Variants in CNIH3 observed in about 807,000 individuals in gnomAD.
CNIH3 encodes the protein cornichon family AMPA receptor auxiliary protein 3, also known as protein cornichon homolog 3.
Under a neutral mutation model 24.1 loss-of-function variants are expected in CNIH3, and 14 were observed. The observed-to-expected ratio is 0.58, with a 90% CI of 0.38 to 0.91. The LOEUF (loss-of-function observed/expected upper bound fraction) is 0.91, where lower values mean the gene tolerates loss of function less well. Among genes scored for constraint, CNIH3 ranks in the 40% least tolerant of loss-of-function variants. The probability of loss-of-function intolerance (pLI) is 0.00; values close to 1 mark genes in which losing one functional copy is unlikely to be tolerated. For missense variants in CNIH3, 178 were observed against 196.8 expected (o/e 0.90, Z 0.57); for synonymous variants, 68 against 73.8 (o/e 0.92, Z 0.40).
Position 224,506,025 on chromosome 1 carries a change from T to A in CNIH3, n.204-9716T>A, listed in dbSNP as rs765802978. 6.6e-4 allele frequency among the ~76,000 whole-genome samples: 101 copies of A among 152,286 alleles called. 1 individual carries two copies. The highest frequency in any genetic ancestry group is 2.2e-3 in the African/African-American group (93 of 41,560). On this transcript the variant is annotated intron_variant and non_coding_transcript_variant, in intron 1 of 5. Coordinates refer to the CNIH3 transcript ENST00000471578. ...AGTATACTCCCTCCCCTGCTCCCAG[T>A]TGGAAAGATTGCTCCCAAGACCCAA...
At chr1:224,480,559 A>G (rs1676766819) in intron 1 of CNIH3, among the ~76,000 whole-genome samples, 1 of 152,212 alleles carries the variant, frequency 6.6e-6, no homozygotes, top group South Asian at 2.1e-4. Context: ...ACAGCACCCA[A>G]GTCACCTCTT....
At chr1:224,454,455 T>A (rs1675563418) in intron 1 of CNIH3, 1 of 404,098 alleles carries the variant, frequency 2.5e-6, no homozygotes, top group Non-Finnish European at 3.3e-6. Flanking sequence ...GTAGTCTGTT[T>A]ACATTTCTGG....
At chr1:224,495,350 T>C (rs1435263902) in intron 1 of CNIH3, among the ~76,000 whole-genome samples, 1 of 152,238 alleles carries the variant, frequency 6.6e-6, no homozygotes, top group East Asian at 1.9e-4. Context: ...ATATGATTTT[T>C]TACTACAAGA....
At chr1:224,656,554 G>C (rs1685105323) in intron 1 of CNIH3, among the ~76,000 whole-genome samples, 1 of 152,110 alleles carries the variant, frequency 6.6e-6, no homozygotes, top group Non-Finnish European at 1.5e-5. Flanking sequence ...GCGGCGGGGG[G>C]GCGGTGTTCA....
chr1:224,488,809 C>G (rs1324608877), intron 1 of CNIH3, among the ~76,000 whole-genome samples: 1 of 151,860 alleles, frequency 6.6e-6, no homozygotes, highest in Non-Finnish European at 1.5e-5. Context: ...TTTTTCAGTT[C>G]TATAATTTCT....
At chr1:224,474,844 G>A (rs924313700) in intron 1 of CNIH3, among the ~76,000 whole-genome samples, 15 of 150,568 alleles carry the variant, frequency 1.0e-4, no homozygotes, top group East Asian at 2.0e-4. Context: ...TGACTAACAC[G>A]GTGAAACCCC....
At chr1:224,597,512 T>A (rs1404721048) in intron 3 of CNIH3, among the ~76,000 whole-genome samples, 1 of 152,192 alleles carries the variant, frequency 6.6e-6, no homozygotes, top group Non-Finnish European at 1.5e-5. Context: ...GTTGTCCATG[T>A]TTCAGTCATG....
At chr1:224,739,275 T>C in intron 5 of CNIH3, 54 bp from the exon 6 acceptor site, 1 of 1,545,680 alleles carries the variant, frequency 6.5e-7, no homozygotes, top group South Asian at 1.2e-5. Flanking sequence ...CTCTGTGGGC[T>C]TCTACTAACA....
intron 3 of CNIH3, among the ~76,000 whole-genome samples, chr1:224,708,856 G>A (rs765572838): frequency 1.3e-5 from 2 of 152,186 alleles, no homozygotes; most frequent in Non-Finnish European, 2.9e-5. Flanking sequence ...TTGGCAGCCT[G>A]TGGATCAGAG....
intron 1 of CNIH3, among the ~76,000 whole-genome samples, chr1:224,464,078 C>T (rs1002720392): frequency 5.9e-5 from 9 of 151,774 alleles, no homozygotes; most frequent in South Asian, 2.1e-4. Flanking sequence ...TGTGAGCCAC[C>T]GCGCTCGACC....
At chr1:224,726,079 C>T (rs1443085702) in intron 3 of CNIH3, among the ~76,000 whole-genome samples, 3 of 152,132 alleles carry the variant, frequency 2.0e-5, no homozygotes, top group Non-Finnish European at 4.4e-5. Flanking sequence ...CCTGGAAAAA[C>T]AAGATTGTGG....
At chr1:224,521,683 G>T (rs781421615) in intron 2 of CNIH3, 1 of 152,206 alleles carries the variant, frequency 6.6e-6, no homozygotes, top group Non-Finnish European at 1.5e-5. Context: ...TGAATGAATG[G>T]TTGACTGAAT....
intron 1 of CNIH3, among the ~76,000 whole-genome samples, chr1:224,482,700 T>A (rs1428847285): frequency 1.3e-5 from 2 of 151,936 alleles, no homozygotes; most frequent in Non-Finnish European, 2.9e-5. Context: ...CTGTACTACC[T>A]AGTTTTGGGG....
chr1:224,695,357 AAC>A (rs56245587), intron 3 of CNIH3, among the ~76,000 whole-genome samples: 794 of 145,794 alleles, frequency 5.4e-3, no homozygotes, highest in African/African-American at 0.012. Flanking sequence ...TCTCTTTCTA[AAC>A]ACACACACAC....
At chr1:224,655,306 T>C (rs905533115) in intron 1 of CNIH3, among the ~76,000 whole-genome samples, 13 of 152,104 alleles carry the variant, frequency 8.5e-5, no homozygotes, top group African/African-American at 2.9e-4. Flanking sequence ...TGATGCCTCC[T>C]GTTGGCCTAA....
intron 4 of CNIH3, among the ~76,000 whole-genome samples, chr1:224,582,417 G>A (rs1375464889): frequency 3.9e-5 from 6 of 152,036 alleles, no homozygotes; most frequent in Non-Finnish European, 8.8e-5. Flanking sequence ...AAAGAACAGA[G>A]CACGGTTTTT....
intron 1 of CNIH3, among the ~76,000 whole-genome samples, chr1:224,461,575 C>T (rs1167388708): frequency 2.0e-5 from 3 of 152,198 alleles, no homozygotes; most frequent in Non-Finnish European, 4.4e-5. Context: ...TCCTCACATG[C>T]ATATACCTTA....
chr1:224,571,552 C>G (rs1187454080), intron 4 of CNIH3, among the ~76,000 whole-genome samples: 1 of 151,942 alleles, frequency 6.6e-6, no homozygotes, highest in Non-Finnish European at 1.5e-5. Flanking sequence ...TGATGAAACC[C>G]CGTCTCTACT....
chr1:224,718,773 TCGTGG>T (rs1324790599), intron 3 of CNIH3, among the ~76,000 whole-genome samples: 1 of 152,106 alleles, frequency 6.6e-6, no homozygotes, highest in Admixed American at 6.5e-5. Flanking sequence ...TTCCTGGGAC[TCGTGG>T]CAGTTTGTCA....
Sources: gnomAD v4.1 joint callset for allele counts (sites outside exome capture counted in the v4.1 genomes callset) on GRCh38, gnomAD v4.1.1 for gene constraint, MANE v1.5 for transcripts, NCBI Gene and HGNC (gene_info 2026-07-23, HGNC 2026-07-21) for gene names.